PDS5B: variants seen among roughly 807,000 people sequenced by gnomAD.
PDS5B encodes PDS5 cohesin associated factor B.
In PDS5B, 51 loss-of-function variants were observed where a neutral mutation model predicts 184.1. The observed-to-expected ratio is 0.28, with a 90% CI of 0.22 to 0.35. PDS5B has a LOEUF of 0.35. Among genes scored for constraint, PDS5B ranks in the 10% least tolerant of loss-of-function variants. PDS5B has a pLI of 1.00. For missense variants in PDS5B, 1,180 were observed against 1,723.3 expected, an observed-to-expected ratio of 0.68 and a Z score of 5.58; for synonymous variants, 566 against 569.2, an observed-to-expected ratio of 0.99 and a Z score of 0.08.
intron 15 of PDS5B, 47 bp downstream of exon 15, chr13:32,696,949 ATTT>A (rs750497573): frequency 2.7e-6 from 3 of 1,116,792 alleles, no homozygotes; most frequent in Non-Finnish European, 3.9e-6. Context: ...TTATTGGAAC[ATTT>A]TTTATAATTT....
At chr13:32,725,379 C>G (rs1371747445) in intron 19 of PDS5B, among the ~76,000 whole-genome samples, 1 of 152,050 alleles carries the variant, frequency 6.6e-6, no homozygotes, top group East Asian at 1.9e-4. Flanking sequence ...AAGTTAGTCC[C>G]TGAGTCCTTT....
At chr13:32,655,586 T>C (rs1950493973) in intron 3 of PDS5B, among the ~76,000 whole-genome samples, 1 of 151,342 alleles carries the variant, frequency 6.6e-6, no homozygotes, top group Admixed American at 6.6e-5. Context: ...TTGACTGGGC[T>C]GGTCTTGAAC....
At chr13:32,674,777 C>G (rs957504020) in intron 8 of PDS5B, among the ~76,000 whole-genome samples, 1 of 151,924 alleles carries the variant, frequency 6.6e-6, no homozygotes, top group African/African-American at 2.4e-5. Flanking sequence ...TTGTGGAACA[C>G]AAAGAATTAT....
intron 6 of PDS5B, among the ~76,000 whole-genome samples, chr13:32,666,714 G>C (rs1028169450): frequency 6.6e-6 from 1 of 152,114 alleles, no homozygotes; most frequent in Non-Finnish European, 1.5e-5. Flanking sequence ...TTAATGGTTT[G>C]ACTTACTTTA....
At chr13:32,638,806 A>C (rs1014632912) in intron 1 of PDS5B, among the ~76,000 whole-genome samples, 7 of 151,964 alleles carry the variant, frequency 4.6e-5, no homozygotes, top group Non-Finnish European at 1.0e-4. Flanking sequence ...TTCTGGTATT[A>C]GGGAAGAGGG....
chr13:32,695,203 C>T (rs1400584025), intron 14 of PDS5B, among the ~76,000 whole-genome samples: 1 of 151,730 alleles, frequency 6.6e-6, no homozygotes, highest in Admixed American at 6.6e-5. Context: ...TTTGTACCAC[C>T]TTTTTTGCCT....
chr13:32,766,697 A>G (rs948455342), intron 31 of PDS5B, among the ~76,000 whole-genome samples: 1 of 152,114 alleles, frequency 6.6e-6, no homozygotes, highest in Non-Finnish European at 1.5e-5. Context: ...TAAATAAAAT[A>G]TTTTCCTGTC....
At chr13:32,640,406 C>G (rs1427494073) in intron 1 of PDS5B, among the ~76,000 whole-genome samples, 2 of 152,056 alleles carry the variant, frequency 1.3e-5, no homozygotes, top group Non-Finnish European at 2.9e-5. Flanking sequence ...GCCACCATGC[C>G]CAGCTAATAT....
At chr13:32,772,124 C>T (rs983798670) in intron 33 of PDS5B, among the ~76,000 whole-genome samples, 1 of 151,926 alleles carries the variant, frequency 6.6e-6, no homozygotes, top group Non-Finnish European at 1.5e-5. Context: ...CATGTTATTT[C>T]TATAGTTTCA....
chr13:32,721,579 G>T (rs540819083), intron 19 of PDS5B, among the ~76,000 whole-genome samples: 1 of 146,880 alleles, frequency 6.8e-6, no homozygotes, highest in Admixed American at 6.8e-5. Context: ...TGGCGGCCGG[G>T]TAGAGACGCT....
chr13:32,770,844 A>T, intron 33 of PDS5B, 83 bp downstream of exon 33: 1 of 1,011,938 alleles, frequency 9.9e-7, no homozygotes, highest in Admixed American at 2.2e-5. Flanking sequence ...ATATTGCTGT[A>T]TTTAAATTCC....
At chr13:32,599,929 C>A (rs1470247760) in intron 1 of PDS5B, among the ~76,000 whole-genome samples, 1 of 151,890 alleles carries the variant, frequency 6.6e-6, no homozygotes, top group Non-Finnish European at 1.5e-5. Context: ...AAAACAAAAA[C>A]AAAACCTTTT....
chr13:32,588,054 A>G (rs1470703771), intron 1 of PDS5B, among the ~76,000 whole-genome samples: 2 of 152,212 alleles, frequency 1.3e-5, no homozygotes, highest in Non-Finnish European at 2.9e-5. Flanking sequence ...CGTTTTTTAT[A>G]TTAACTCATG....
rs762965829 is a variant in PDS5B, at chr13:32,667,732, T to TA, written c.625-31dup. 9.1e-6 allele frequency: 12 copies of TA among 1,314,238 alleles called. No homozygotes were observed. In the Admixed American group the frequency reaches 2.6e-4, roughly 29 times the overall value. The allele number at this position is 1,314,238 out of a possible 1,614,324, so 81.4% of individuals were successfully genotyped here. A position where few individuals can be genotyped will look rare whatever the true frequency, so the allele number is the denominator to read the frequency against. On this transcript the variant is annotated intron_variant, in intron 6 of 34. Coordinates refer to ENST00000315596, the MANE Select transcript of PDS5B (RefSeq NM_015032.4). ...ATATTTTGCTTTTCATAGTTAGAGA[T>TA]ATATAATATAGATATTGTTTATGTT...
At chr13:32,608,695 A>G (rs1317268099) in intron 1 of PDS5B, among the ~76,000 whole-genome samples, 1 of 152,126 alleles carries the variant, frequency 6.6e-6, no homozygotes, top group Admixed American at 6.5e-5. Flanking sequence ...TGAACCTGCA[A>G]CTTTGATGAT....
intron 17 of PDS5B, among the ~76,000 whole-genome samples, chr13:32,703,751 C>G (rs908277546): frequency 6.6e-6 from 1 of 152,118 alleles, no homozygotes; most frequent in African/African-American, 2.4e-5. Flanking sequence ...CCAACAGTGA[C>G]TGTTAATCTT....
chr13:32,738,129 T>A (rs1953402969), intron 21 of PDS5B, among the ~76,000 whole-genome samples: 2 of 152,354 alleles, frequency 1.3e-5, no homozygotes, highest in African/African-American at 2.4e-5. Context: ...TCTAGTAGAT[T>A]GTGGAATATT....
chr13:32,629,157 T>G (rs922399564), intron 1 of PDS5B, among the ~76,000 whole-genome samples: 2 of 152,246 alleles, frequency 1.3e-5, no homozygotes, highest in Admixed American at 6.5e-5. Flanking sequence ...GCAGCTCTCT[T>G]TTAACCTATT....
chr13:32,596,048 T>C (rs990891596), intron 1 of PDS5B, among the ~76,000 whole-genome samples: 1 of 152,214 alleles, frequency 6.6e-6, no homozygotes, highest in Non-Finnish European at 1.5e-5. Flanking sequence ...CAGATTTATT[T>C]AGAAATATAA....
Sources: allele counts gnomAD v4.1 joint callset (sites outside exome capture counted in the v4.1 genomes callset), GRCh38; gene constraint gnomAD v4.1.1; transcripts MANE v1.5; gene names NCBI Gene and HGNC (gene_info 2026-07-23, HGNC 2026-07-21).